Variants in MCPH1 observed in about 807,000 individuals in gnomAD.
The protein encoded by MCPH1 is microcephalin 1, also known as microcephalin.
MCPH1 carries 104 observed loss-of-function variants against 84.5 expected under a neutral mutation model. The observed-to-expected ratio is 1.23, with a 90% CI of 1.05 to 1.45. MCPH1 has a LOEUF of 1.45. Ranked by LOEUF, MCPH1 falls within the 40% of genes most tolerant of loss-of-function variation. The pLI, the probability that MCPH1 is intolerant of heterozygous loss-of-function variation, is 0.00. For missense variants in MCPH1, 1,498 were observed against 1,005.7 expected (o/e 1.49, Z -6.62); for synonymous variants, 514 against 366.8 (o/e 1.40, Z -4.58).
chr8:6,587,480 T>A (rs934727673), intron 12 of MCPH1, among the ~76,000 whole-genome samples: 2 of 152,230 alleles, frequency 1.3e-5, no homozygotes, highest in African/African-American at 4.8e-5. Flanking sequence ...CGATCACCCC[T>A]ACACTGAAGA....
intron 12 of MCPH1, among the ~76,000 whole-genome samples, chr8:6,596,978 C>T (rs906153569): frequency 6.6e-6 from 1 of 152,066 alleles, no homozygotes; most frequent in South Asian, 2.1e-4. Context: ...ATTAAATCAG[C>T]GGAGAATCTA....
Position 6,535,077 on chromosome 8 carries a change from C to G in MCPH1, c.2214+35148C>G, listed in dbSNP as rs535870871. 2.6e-4 allele frequency among the ~76,000 whole-genome samples: 40 copies of G among 152,144 alleles called. No individual in the cohort carries two copies. In the South Asian group the frequency reaches 8.1e-3, roughly 31 times the overall value. On this transcript the variant is annotated intron_variant, in intron 12 of 13. Coordinates refer to ENST00000344683, the MANE Select transcript of MCPH1 (RefSeq NM_024596.5). ...ACTCCAGCTGGAGTTTAGTTTAAGCCCATACTCAGAAATAATAATTTACAA... is the reference window on the plus strand; with the variant it reads ...ACTCCAGCTGGAGTTTAGTTTAAGCGCATACTCAGAAATAATAATTTACAA...
intron 9 of MCPH1, among the ~76,000 whole-genome samples, chr8:6,473,252 T>C (rs12675930): frequency 0.16 from 23,582 of 151,386 alleles, 1,972 homozygotes; most frequent in Middle Eastern, 0.24. Flanking sequence ...AGATATCCAC[T>C]TATATTTCTT....
chr8:6,475,104 A>T (rs1225904560), intron 9 of MCPH1, among the ~76,000 whole-genome samples: 1 of 152,220 alleles, frequency 6.6e-6, no homozygotes, highest in African/African-American at 2.4e-5. Context: ...AGAACAGAAC[A>T]TCCTTAAGAG....
intron 13 of MCPH1, among the ~76,000 whole-genome samples, chr8:6,640,782 T>C (rs1004347631): frequency 1.3e-5 from 2 of 152,262 alleles, no homozygotes; most frequent in South Asian, 4.1e-4. Flanking sequence ...AATAATCTCA[T>C]ATTCTCCTAT....
intron 12 of MCPH1, among the ~76,000 whole-genome samples, chr8:6,564,131 G>A (rs1257847637): frequency 2.6e-5 from 4 of 151,986 alleles, no homozygotes; most frequent in African/African-American, 9.7e-5. Context: ...ACAGGCAAAC[G>A]CCACCACACC....
chr8:6,588,669 C>G (rs534956392), intron 12 of MCPH1, among the ~76,000 whole-genome samples: 1 of 152,270 alleles, frequency 6.6e-6, no homozygotes, highest in Admixed American at 6.5e-5. Flanking sequence ...CTGCTCTCCC[C>G]TGTCCTGCAG....
intron 12 of MCPH1, among the ~76,000 whole-genome samples, chr8:6,573,055 C>T (rs887258959): frequency 2.0e-5 from 3 of 152,104 alleles, no homozygotes; most frequent in East Asian, 1.9e-4. Flanking sequence ...AAATAAAAGG[C>T]GAGACCACGG....
chr8:6,477,599 A>C lies in MCPH1; in HGVS notation c.1941A>C (p.Thr647=). The change falls in exon 10 of 14, where the codon ACA becomes ACC. Residue 647 remains threonine (T), a synonymous_variant. Transcript: ENST00000344683. ...LKKSGRGKKP[T]RTLVMTSMPS... ...TTCTTGTTTGAAATCTCTAGCCAAC[A>C]AGAACATTAGTCATGACAAGCATGC... The C allele has an allele frequency of 5.6e-6, 9 of 1,613,074 alleles. No homozygotes were observed. The highest frequency in any genetic ancestry group is 7.6e-6 in the Non-Finnish European group (9 of 1,179,406).
At chr8:6,415,653 C>T (rs1224856553) in intron 3 of MCPH1, among the ~76,000 whole-genome samples, 1 of 152,082 alleles carries the variant, frequency 6.6e-6, no homozygotes, top group African/African-American at 2.4e-5. Context: ...CGTGCGCGGC[C>T]CACACAGTTT....
intron 3 of MCPH1, among the ~76,000 whole-genome samples, chr8:6,419,245 G>A (rs558042089): frequency 2.0e-5 from 3 of 151,202 alleles, no homozygotes; most frequent in Admixed American, 6.6e-5. Context: ...TTGAAGACAG[G>A]GTCTTGCTCT....
At chr8:6,441,923 A>T (rs1803573390) in intron 6 of MCPH1, 144 bp from the exon 7 acceptor site, 18 of 654,792 alleles carry the variant, frequency 2.7e-5, no homozygotes, top group Non-Finnish European at 4.4e-5. Flanking sequence ...AGATTCAGGC[A>T]AGTTGACTTT....
At chr8:6,463,070 A>T (rs1296731726) in intron 9 of MCPH1, among the ~76,000 whole-genome samples, 1 of 152,184 alleles carries the variant, frequency 6.6e-6, no homozygotes, top group South Asian at 2.1e-4. Flanking sequence ...GCCAAAATAG[A>T]GTCTTGGGCA....
chr8:6,496,614 G>T (rs576343646), intron 11 of MCPH1, among the ~76,000 whole-genome samples: 1 of 151,928 alleles, frequency 6.6e-6, no homozygotes, highest in Admixed American at 6.6e-5. Context: ...CAGTATGGTG[G>T]GTGGTAAGCT....
intron 12 of MCPH1, among the ~76,000 whole-genome samples, chr8:6,577,086 A>C (rs1272788446): frequency 4.6e-5 from 7 of 152,126 alleles, no homozygotes; most frequent in Admixed American, 3.9e-4. Context: ...TACTCCTTTC[A>C]GTCCCAGCCA....
intron 12 of MCPH1, among the ~76,000 whole-genome samples, chr8:6,608,674 G>A (rs2515552): frequency 0.64 from 96,960 of 151,998 alleles, 33,413 homozygotes; most frequent in Non-Finnish European, 0.79. Context: ...TGCTACTCTG[G>A]CCAAACCTCG....
chr8:6,482,181 T>C (rs1333276607), intron 11 of MCPH1, among the ~76,000 whole-genome samples: 1 of 152,186 alleles, frequency 6.6e-6, no homozygotes, highest in African/African-American at 2.4e-5. Context: ...TGCTGACAAC[T>C]TTGATATGCC....
At chr8:6,587,002 C>T (rs541639744) in intron 12 of MCPH1, among the ~76,000 whole-genome samples, 2 of 152,080 alleles carry the variant, frequency 1.3e-5, no homozygotes, top group African/African-American at 2.4e-5. Flanking sequence ...GCAGTTTCCT[C>T]GGCTTACCAC....
intron 12 of MCPH1, chr8:6,503,235 A>T: frequency 1.2e-6 from 2 of 1,614,094 alleles, no homozygotes; most frequent in Non-Finnish European, 1.7e-6. Context: ...TTCAAGTTGG[A>T]AGGACCACAT....
Sources: allele counts gnomAD v4.1 joint callset (sites outside exome capture counted in the v4.1 genomes callset), GRCh38; gene constraint gnomAD v4.1.1; transcripts MANE v1.5; gene names NCBI Gene and HGNC (gene_info 2026-07-23, HGNC 2026-07-21).